Variants in C8orf34 observed in about 807,000 individuals in gnomAD.
The protein encoded by C8orf34 is uncharacterized protein C8orf34.
In C8orf34, 65 loss-of-function variants were observed where a neutral mutation model predicts 68.3. The observed-to-expected ratio is 0.95, with a 90% confidence interval of 0.78 to 1.17. The LOEUF is 1.17. Among genes scored for constraint, C8orf34 ranks in the 50% most tolerant of loss-of-function variants. C8orf34 has a pLI of 0.00. For missense variants in C8orf34, 664 were observed against 655.4 expected, an observed-to-expected ratio of 1.01 and a Z score of -0.14; for synonymous variants, 244 against 241.2, an observed-to-expected ratio of 1.01 and a Z score of -0.11.
chr8:68,378,698 C>G (rs1026405112), intron 1 of C8orf34, among the ~76,000 whole-genome samples: 1 of 152,186 alleles, frequency 6.6e-6, no homozygotes, highest in Non-Finnish European at 1.5e-5. Flanking sequence ...TCTGTCCAAG[C>G]TGAGAAATTT....
chr8:68,343,435 T>G (rs1806153859), intron 1 of C8orf34, among the ~76,000 whole-genome samples: 1 of 151,982 alleles, frequency 6.6e-6, no homozygotes, highest in Non-Finnish European at 1.5e-5. Flanking sequence ...TTTATTTATT[T>G]ATTTATTTGA....
chr8:68,783,572 G>A (rs1338849372), intron 11 of C8orf34, among the ~76,000 whole-genome samples: 1 of 148,694 alleles, frequency 6.7e-6, no homozygotes, highest in Non-Finnish European at 1.5e-5. Context: ...GGCCTCCTTT[G>A]GAAAGCCTTA....
chr8:68,485,294 T>C (rs1386207495), intron 4 of C8orf34, among the ~76,000 whole-genome samples: 12 of 152,152 alleles, frequency 7.9e-5, no homozygotes, highest in Admixed American at 7.9e-4. Flanking sequence ...ACTATCTTTA[T>C]GAATAATGGA....
chr8:68,674,611 T>C (rs1269364919), intron 8 of C8orf34, among the ~76,000 whole-genome samples: 1 of 149,910 alleles, frequency 6.7e-6, no homozygotes, highest in Non-Finnish European at 1.5e-5. Flanking sequence ...TCAGAGGAGA[T>C]GAAAGAAAAA....
At chr8:68,661,066 AG>A (rs1217061356) in intron 8 of C8orf34, among the ~76,000 whole-genome samples, 1 of 152,174 alleles carries the variant, frequency 6.6e-6, no homozygotes, top group Non-Finnish European at 1.5e-5. Context: ...ATGTGGTGCG[AG>A]GAGACAGTGA....
chr8:68,505,605 C>G (rs1190671283), intron 5 of C8orf34, among the ~76,000 whole-genome samples: 1 of 133,312 alleles, frequency 7.5e-6, no homozygotes, highest in East Asian at 2.1e-4. Context: ...GTGGCGGGCG[C>G]CTGTAGTCCC....
intron 9 of C8orf34, among the ~76,000 whole-genome samples, chr8:68,711,432 A>C (rs2130969801): frequency 6.6e-6 from 1 of 152,252 alleles, no homozygotes; most frequent in Middle Eastern, 3.4e-3. Context: ...CAGGATATGG[A>C]AGGAAAATTC....
chr8:68,689,016 CA>C (rs1309239984), intron 8 of C8orf34, among the ~76,000 whole-genome samples: 3 of 151,734 alleles, frequency 2.0e-5, no homozygotes, highest in African/African-American at 7.3e-5. Context: ...AAACAAACAA[CA>C]AAAAAGAAAA....
intron 7 of C8orf34, among the ~76,000 whole-genome samples, chr8:68,633,568 A>G (rs1818752754): frequency 6.6e-6 from 1 of 152,200 alleles, no homozygotes; most frequent in Non-Finnish European, 1.5e-5. Flanking sequence ...AAGAATCACA[A>G]ATTTCTTTGT....
At chr8:68,482,350 C>T (rs1055932602) in intron 4 of C8orf34, among the ~76,000 whole-genome samples, 4 of 152,150 alleles carry the variant, frequency 2.6e-5, no homozygotes. Context: ...ACTAATACAC[C>T]AGTTGAGGAT....
rs184347946 is a variant in C8orf34 at position 68,560,025 on chromosome 8, T to C, written c.1105+26876T>C. Among the ~76,000 whole-genome samples the C allele has an allele frequency of 1.4e-3, 213 of 152,096 alleles. 4 individuals carry two copies. In the Middle Eastern group the frequency reaches 0.02, roughly 15 times the overall value. On this transcript the variant is annotated intron_variant, in intron 7 of 13. Transcript: ENST00000518698. Reference sequence around the variant, plus strand: ...CCAGACAGAGGCGGAATACTGAGGGTGATGAAGCTGGGAAGATCTGCTGAG... The same window carrying C: ...CCAGACAGAGGCGGAATACTGAGGGCGATGAAGCTGGGAAGATCTGCTGAG...
chr8:68,746,872 T>C (rs891817096), intron 10 of C8orf34, among the ~76,000 whole-genome samples: 111 of 152,170 alleles, frequency 7.3e-4, no homozygotes, highest in African/African-American at 2.6e-3. Flanking sequence ...GAATCCTCCC[T>C]AACTCATTTT....
intron 1 of C8orf34, among the ~76,000 whole-genome samples, chr8:68,386,848 C>G (rs1038183949): frequency 6.6e-6 from 1 of 151,844 alleles, no homozygotes; most frequent in Admixed American, 6.6e-5. Context: ...GCATTGCTGG[C>G]TTTTACCAAC....
chr8:68,618,503 C>G (rs1309667917), intron 7 of C8orf34, among the ~76,000 whole-genome samples: 2 of 152,108 alleles, frequency 1.3e-5, no homozygotes, highest in Admixed American at 6.6e-5. Flanking sequence ...ATGCACAACA[C>G]AACGCTCTAC....
At chr8:68,594,421 C>A (rs6999404) in intron 7 of C8orf34, among the ~76,000 whole-genome samples, 87,914 of 151,750 alleles carry the variant, frequency 0.58, 25,637 homozygotes, top group African/African-American at 0.6. Context: ...ATTAAATTGT[C>A]TTTTATCTAA....
chr8:68,764,219 C>G (rs904863536), intron 10 of C8orf34, among the ~76,000 whole-genome samples: 1 of 152,160 alleles, frequency 6.6e-6, no homozygotes, highest in African/African-American at 2.4e-5. Flanking sequence ...TAGCACCTAC[C>G]TGCTGCTTTC....
intron 2 of C8orf34, among the ~76,000 whole-genome samples, chr8:68,441,718 A>G (rs1280958273): frequency 6.6e-6 from 1 of 152,192 alleles, no homozygotes; most frequent in African/African-American, 2.4e-5. Context: ...CAATCTACTA[A>G]GATGGATCTT....
At chr8:68,687,857 T>G (rs995093503) in intron 8 of C8orf34, among the ~76,000 whole-genome samples, 4 of 151,970 alleles carry the variant, frequency 2.6e-5, no homozygotes, top group African/African-American at 9.7e-5. Context: ...ATTCACAAAC[T>G]ATGCATCTGA....
rs1039673052 is a variant in C8orf34, at chr8:68,721,451, T to C, written c.1404+14T>C. 7 of 1,555,796 alleles carry C rather than the reference T, an allele frequency of 4.5e-6. No individual in the cohort carries two copies. The highest frequency in any genetic ancestry group is 1.4e-5 in the African/African-American group (1 of 73,272). On this transcript the variant is annotated intron_variant, in intron 10 of 13. Coordinates refer to ENST00000518698, the MANE Select transcript of C8orf34 (RefSeq NM_052958.4). ...CTAACAGGACCTGTAAGTATATTCA[T>C]TGACTTATTTTTTTTAATTGCTAAA...
Sources: allele counts gnomAD v4.1 joint callset (sites outside exome capture counted in the v4.1 genomes callset), GRCh38; gene constraint gnomAD v4.1.1; transcripts MANE v1.5; gene names NCBI Gene and HGNC (gene_info 2026-07-23, HGNC 2026-07-21).